LMOD1: variants seen among roughly 807,000 people sequenced by gnomAD.
The protein encoded by LMOD1 is leiomodin 1, also known as leiomodin-1.
LMOD1 carries 8 observed loss-of-function variants against 36.5 expected under a neutral mutation model. The ratio of observed to expected loss-of-function variants is 0.22; its 90% CI spans 0.13 to 0.40. LMOD1 has a LOEUF of 0.40. Among genes scored for constraint, LMOD1 ranks in the 10% least tolerant of loss-of-function variants. LMOD1 has a pLI of 1.00. For synonymous variants in LMOD1, 284 were observed against 288.7 expected, an observed-to-expected ratio of 0.98 and a Z score of 0.17; for missense variants, 630 against 751.1, an observed-to-expected ratio of 0.84 and a Z score of 1.88.
chr1:201,927,776 C>T (rs1681854134), intron 1 of LMOD1, among the ~76,000 whole-genome samples: 1 of 152,054 alleles, frequency 6.6e-6, no homozygotes, highest in South Asian at 2.1e-4. Context: ...TTTCAGAAGA[C>T]AATTTAAGCC....
intron 1 of LMOD1, among the ~76,000 whole-genome samples, chr1:201,933,596 T>A (rs2790901): frequency 4.5e-3 from 5 of 1,116 alleles, no homozygotes; most frequent in East Asian, 0.029. Context: ...ATACATACAT[T>A]ATATATATAT....
chr1:201,933,545 C>CAT (rs972431814), intron 1 of LMOD1, among the ~76,000 whole-genome samples: 4 of 93,094 alleles, frequency 4.3e-5, no homozygotes, highest in Non-Finnish European at 6.7e-5. Flanking sequence ...ATATATAATA[C>CAT]ATATATATAT....
intron 1 of LMOD1, among the ~76,000 whole-genome samples, chr1:201,911,667 T>C (rs1052857483): frequency 6.6e-6 from 1 of 152,038 alleles, no homozygotes; most frequent in Non-Finnish European, 1.5e-5. Flanking sequence ...CACCCTGTCT[T>C]GAAACAAACA....
At chr1:201,926,302 A>G (rs112047474) in intron 1 of LMOD1, among the ~76,000 whole-genome samples, 1 of 152,114 alleles carries the variant, frequency 6.6e-6, no homozygotes, top group African/African-American at 2.4e-5. Flanking sequence ...TTTCTCTTTT[A>G]GGGGCTTTGT....
At chr1:201,907,544 A>C (rs1681431207) in intron 1 of LMOD1, among the ~76,000 whole-genome samples, 1 of 152,196 alleles carries the variant, frequency 6.6e-6, no homozygotes, top group South Asian at 2.1e-4. Flanking sequence ...GTGCTTTTCC[A>C]TGGAAAATGA....
intron 1 of LMOD1, among the ~76,000 whole-genome samples, chr1:201,944,940 C>T (rs1334821858): frequency 2.0e-5 from 3 of 152,184 alleles, no homozygotes; most frequent in African/African-American, 7.2e-5. Flanking sequence ...CTCAGTTCCT[C>T]TGTGAGAATG....
At chr1:201,929,726 T>C (rs1490219518) in intron 1 of LMOD1, among the ~76,000 whole-genome samples, 1 of 152,194 alleles carries the variant, frequency 6.6e-6, no homozygotes, top group Non-Finnish European at 1.5e-5. Flanking sequence ...CCTTCATTCA[T>C]TCAACAGGCA....
At chr1:201,938,716 C>T (rs560248391) in intron 1 of LMOD1, among the ~76,000 whole-genome samples, 4 of 152,186 alleles carry the variant, frequency 2.6e-5, no homozygotes, top group Non-Finnish European at 5.9e-5. Flanking sequence ...TCAGAAGGAG[C>T]CTGTGGGCTG....
At chr1:201,906,323 G>C (rs1485060351) in intron 1 of LMOD1, among the ~76,000 whole-genome samples, 1 of 152,138 alleles carries the variant, frequency 6.6e-6, no homozygotes, top group Admixed American at 6.5e-5. Context: ...CTTACCACCT[G>C]TCCATCCGCA....
chr1:201,934,240 C>T (rs1681976712), intron 1 of LMOD1, among the ~76,000 whole-genome samples: 1 of 152,212 alleles, frequency 6.6e-6, no homozygotes, highest in Admixed American at 6.5e-5. Context: ...GAGGCTTAAC[C>T]TCTGACTATT....
At chr1:201,923,911 GA>G (rs1681752082) in intron 1 of LMOD1, among the ~76,000 whole-genome samples, 1 of 143,758 alleles carries the variant, frequency 7.0e-6, no homozygotes, top group African/African-American at 2.6e-5. Flanking sequence ...GAGGGAGGGA[GA>G]GAGAGAGAGA....
intron 1 of LMOD1, among the ~76,000 whole-genome samples, 184 bp downstream of exon 1, chr1:201,945,896 A>T (rs1682203172): frequency 6.6e-6 from 1 of 152,214 alleles, no homozygotes; most frequent in African/African-American, 2.4e-5. Context: ...TTCTGCTTAT[A>T]AAACAGAAAT....
Position 201,900,387 on chromosome 1 carries a change from T to A in LMOD1, c.626A>T (p.Glu209Val), listed in dbSNP as rs1185589622. The A allele has an allele frequency of 6.4e-7, 1 of 1,562,144 alleles. No homozygotes were observed. The highest frequency in any genetic ancestry group is 1.2e-5 in the South Asian group (1 of 85,776). Residue 209 changes from glutamate to valine, a missense_variant, in exon 2 of 3, where the codon GAG becomes GTG. By Grantham distance (121) the Glu-to-Val change is moderately radical. This residue lies in a region of LMOD1 where 405 missense variants were observed against 400.6 expected (regional missense o/e 1.01). Transcript: ENST00000367288. Reference sequence around the variant, plus strand: ...TTTCTTGGCCACCTCCTTCATCTCCTCTCTCTTTTTATCCTTGTCCCTGCT... The same window carrying A: ...TTTCTTGGCCACCTCCTTCATCTCCACTCTCTTTTTATCCTTGTCCCTGCT... ...GLSRDKDKKR[E>V]EMKEVAKKED...
intron 1 of LMOD1, among the ~76,000 whole-genome samples, chr1:201,943,658 C>T (rs576325015): frequency 5.3e-5 from 8 of 152,332 alleles, no homozygotes; most frequent in East Asian, 1.9e-4. Context: ...GATTTGCTTT[C>T]GGCCCACTTC....
In LMOD1 at chr1:201,901,564, G is replaced by A. The variant is rs6660610; in HGVS notation, c.262-813C>T. On this transcript the variant is annotated intron_variant, in intron 1 of 2. Transcript: ENST00000367288. ...TATATATATATATACATATATATAT[G>A]TATATATATATATATATATACATAT... Among the ~76,000 whole-genome samples the A allele has an allele frequency of 5.9e-3, 230 of 38,778 alleles. 2 individuals are homozygous for A. Among genetic ancestry groups the A allele is most frequent in the South Asian group, 0.011 (12 of 1,142 alleles). 25.4% of individuals were successfully genotyped at this position (38,778 alleles called of 152,430 possible).
At chr1:201,905,011 A>G (rs1201426440) in intron 1 of LMOD1, among the ~76,000 whole-genome samples, 4 of 152,180 alleles carry the variant, frequency 2.6e-5, no homozygotes, top group Admixed American at 1.3e-4. Context: ...CTGTCGCTAG[A>G]CCTTACTCAA....
Position 201,946,502 on chromosome 1 carries a change from G to T in LMOD1, c.-162C>A. 1.4e-6 allele frequency: 1 copy of T among 717,746 alleles called. No homozygotes were observed. Among genetic ancestry groups the T allele is most frequent in the Non-Finnish European group, 2.3e-6 (1 of 442,640 alleles). 44.5% of individuals were successfully genotyped at this position (717,746 alleles called of 1,614,324 possible). On this transcript the variant is annotated 5_prime_UTR_variant, in exon 1 of 3. Coordinates refer to ENST00000367288, the MANE Select transcript of LMOD1 (RefSeq NM_012134.3). The stretch of plus-strand genomic sequence containing the variant: ...GCCCTTCTGTGCTACAGGTGCTGAA[G>T]TGTTCACTGGACGCAGCAGCCTCCC...
intron 1 of LMOD1, among the ~76,000 whole-genome samples, chr1:201,940,644 G>A (rs535677083): frequency 6.8e-6 from 1 of 148,146 alleles, no homozygotes; most frequent in East Asian, 2.0e-4. Flanking sequence ...GGAGAGCAGT[G>A]GCTCGATCTC....
At chr1:201,917,361 A>G (rs1252529108) in intron 1 of LMOD1, among the ~76,000 whole-genome samples, 2 of 151,928 alleles carry the variant, frequency 1.3e-5, no homozygotes, top group African/African-American at 4.9e-5. Context: ...ATTCACTGCA[A>G]GTAGAGAAAG....
Sources: gnomAD v4.1 joint callset for allele counts (sites outside exome capture counted in the v4.1 genomes callset) on GRCh38, gnomAD v4.1.1 for gene constraint, gnomAD v4.1.1 regional missense constraint, MANE v1.5 for transcripts, NCBI Gene and HGNC (gene_info 2026-07-23, HGNC 2026-07-21) for gene names.